Variants in CHD1L observed in about 807,000 individuals in gnomAD.
CHD1L encodes the protein chromodomain helicase DNA binding protein 1 like.
CHD1L carries 118 observed loss-of-function variants against 115.9 expected under a neutral mutation model. The observed-to-expected ratio is 1.02, with a 90% CI of 0.88 to 1.19. The LOEUF is 1.19. Ranked by LOEUF, CHD1L falls within the 50% of genes most tolerant of loss-of-function variation. CHD1L has a pLI of 0.00. For synonymous variants in CHD1L, 411 were observed against 387.1 expected (o/e 1.06, Z -0.72); for missense variants, 1,179 against 1,065.3 (o/e 1.11, Z -1.49).
chr1:147,234,346 T>C, the CHD1L span, among the ~76,000 whole-genome samples: 3 of 152,212 alleles, frequency 2.0e-5, no homozygotes, highest in African/African-American at 7.2e-5. Context: ...TTGGGTCTGA[T>C]CACCCCAACA....
At chr1:147,280,392 T>C (rs1186198576) in intron 15 of CHD1L, among the ~76,000 whole-genome samples, 1 of 152,210 alleles carries the variant, frequency 6.6e-6, no homozygotes, top group Non-Finnish European at 1.5e-5. Flanking sequence ...TCTTCCCTTG[T>C]AGCTGAACTG....
At chr1:147,255,070 C>A (rs587600213) in intron 3 of CHD1L, 94 bp downstream of exon 3, 4 of 888,046 alleles carry the variant, frequency 4.5e-6, no homozygotes, top group East Asian at 5.3e-5. Context: ...AACCTATTGT[C>A]GTAATTAGTA....
At chr1:147,225,373 A>C in the CHD1L span, 1 of 230,116 alleles carries the variant, frequency 4.3e-6, no homozygotes, top group Non-Finnish European at 8.6e-6. Flanking sequence ...CTATAAACCA[A>C]CAACGGACAA....
intron 22 of CHD1L, among the ~76,000 whole-genome samples, chr1:147,294,907 A>T (rs1290024178): frequency 6.8e-6 from 1 of 147,786 alleles, no homozygotes; most frequent in Non-Finnish European, 1.5e-5. Context: ...GCAAACAAAT[A>T]AGTGAACTAT....
the CHD1L span, among the ~76,000 whole-genome samples, chr1:147,218,909 T>A: frequency 6.6e-6 from 1 of 152,188 alleles, no homozygotes; most frequent in Non-Finnish European, 1.5e-5. Context: ...TAGATTCCGC[T>A]ATTCATCCTC....
At chr1:147,266,648 A>G (rs1395547526) in intron 8 of CHD1L, among the ~76,000 whole-genome samples, 4 of 152,276 alleles carry the variant, frequency 2.6e-5, no homozygotes, top group East Asian at 3.9e-4. Context: ...CTTTTGTTCA[A>G]CTGATCTTTA....
the CHD1L span, among the ~76,000 whole-genome samples, chr1:147,183,681 G>A: frequency 1.3e-5 from 2 of 152,284 alleles, no homozygotes; most frequent in South Asian, 4.1e-4. Flanking sequence ...GAATCTGGAC[G>A]ATGGTATAGG....
chr1:147,232,817 C>G, the CHD1L span, among the ~76,000 whole-genome samples: 1 of 152,222 alleles, frequency 6.6e-6, no homozygotes, highest in Non-Finnish European at 1.5e-5. Context: ...GGTGCCCAGG[C>G]TGGAGTGCAG....
chr1:147,267,393 C>A, intron 8 of CHD1L, 33 bp from the exon 9 acceptor site: 1 of 1,555,172 alleles, frequency 6.4e-7, no homozygotes, highest in Non-Finnish European at 8.9e-7. Context: ...TAGGCCATCT[C>A]TTTCTGTCTC....
chr1:147,194,504 T>G, the CHD1L span, among the ~76,000 whole-genome samples: 1 of 152,202 alleles, frequency 6.6e-6, no homozygotes. Flanking sequence ...TTAGCCCATT[T>G]ACATTTAAAG....
At chr1:147,206,597 G>A in the CHD1L span, among the ~76,000 whole-genome samples, 1 of 152,138 alleles carries the variant, frequency 6.6e-6, no homozygotes, top group African/African-American at 2.4e-5. Context: ...AAAATGATGA[G>A]TTCATGTCCT....
chr1:147,221,244 T>C, the CHD1L span, among the ~76,000 whole-genome samples: 3 of 152,102 alleles, frequency 2.0e-5, no homozygotes, highest in Non-Finnish European at 4.4e-5. Flanking sequence ...AAAAGGCCAT[T>C]AGGAAAAACT....
At chr1:147,270,408 C>T (rs1675689885) in intron 10 of CHD1L, among the ~76,000 whole-genome samples, 1 of 152,114 alleles carries the variant, frequency 6.6e-6, no homozygotes, top group South Asian at 2.1e-4. Flanking sequence ...GCTTCTCAGA[C>T]TTTTCAACCC....
the CHD1L span, among the ~76,000 whole-genome samples, chr1:147,234,640 T>A: frequency 2.6e-5 from 4 of 152,394 alleles, no homozygotes; most frequent in South Asian, 8.3e-4. Context: ...TTTACTAATT[T>A]ATTTTGAATG....
At position 147,287,718 on chromosome 1, in the gene CHD1L, G is replaced by T. The variant is rs1553967196; in HGVS notation, c.2305G>T (p.Ala769Ser). ...SAEPRKIYEL[A>S]GKMKDLSLGG... ...TGAGCCAAGAAAAATATATGAGCTG[G>T]CTGGGAAAATGAAAGGTAAGAAGCA... Residue 769 changes from alanine (A) to serine (S), a missense_variant, in exon 19 of 23, where the codon GCT becomes TCT. By Grantham distance (99) the Ala-to-Ser change is moderately conservative. Transcript: ENST00000369258. The T allele has an allele frequency of 1.2e-6, 2 of 1,613,922 alleles. No homozygotes were observed. The highest frequency in any genetic ancestry group is 2.2e-5 in the South Asian group (2 of 91,056).
intron 11 of CHD1L, 173 bp downstream of exon 11, chr1:147,271,178 A>G: frequency 1.8e-6 from 1 of 547,420 alleles, no homozygotes; most frequent in Non-Finnish European, 3.2e-6. Context: ...GAAGGCAAGG[A>G]TGGACAGCAG....
At chr1:147,294,593 T>G in intron 22 of CHD1L, 76 bp downstream of exon 22, 2 of 1,196,834 alleles carry the variant, frequency 1.7e-6, no homozygotes, top group Non-Finnish European at 2.4e-6. Flanking sequence ...GTGTCAGTTC[T>G]TAATCCAAGA....
the CHD1L span, chr1:147,173,374 A>G: frequency 6.6e-6 from 1 of 152,318 alleles, no homozygotes; most frequent in African/African-American, 2.4e-5. Context: ...CTGGGGTCGC[A>G]GGGAAGAATT....
the CHD1L span, chr1:147,204,136 C>A: frequency 9.4e-7 from 1 of 1,063,478 alleles, no homozygotes; most frequent in Admixed American, 1.7e-5. Flanking sequence ...TACTTAAATT[C>A]ATCAATTCTT....
Sources: allele counts gnomAD v4.1 joint callset (sites outside exome capture counted in the v4.1 genomes callset), GRCh38; gene constraint gnomAD v4.1.1; transcripts MANE v1.5; gene names NCBI Gene and HGNC (gene_info 2026-07-23, HGNC 2026-07-21).